The following GNAI2 variants were observed in gnomAD, a reference collection of about 807,000 sequenced individuals.
GNAI2 encodes the protein G protein subunit alpha i2.
A neutral mutation model predicts 36.8 loss-of-function variants in GNAI2; 4 were observed. The ratio of observed to expected loss-of-function variants is 0.11; its 90% confidence interval spans 0.05 to 0.25. GNAI2 has a LOEUF of 0.25. Among genes scored for constraint, GNAI2 ranks in the 10% least tolerant of loss-of-function variants. The pLI is 1.00. For missense variants in GNAI2, 230 were observed against 481.3 expected (o/e 0.48, Z 4.89); for synonymous variants, 194 against 194.1 (o/e 1.00, Z 0.01).
chr3:50,258,667 G>T lies in GNAI2; in HGVS notation c.*324G>T. ...GGCACATGCTGAGTCTCCCAAGGCT[G>T]CGTCTGGAGGGGCCCCTGCTTCTCC... On this transcript the variant is annotated 3_prime_UTR_variant, in exon 9 of 9. Coordinates refer to ENST00000313601, the MANE Select transcript of GNAI2 (RefSeq NM_002070.4). 1 of 344,600 alleles carries T rather than the reference G, an allele frequency of 2.9e-6. No individual in the cohort carries two copies. Among genetic ancestry groups the T allele is most frequent in the Non-Finnish European group, 5.6e-6 (1 of 177,594 alleles). The allele number at this position is 344,600 out of a possible 1,614,324, so 21.3% of individuals were successfully genotyped here.
chr3:50,256,408 C>T, intron 5 of GNAI2, 88 bp downstream of exon 5: 2 of 1,269,960 alleles, frequency 1.6e-6, no homozygotes, highest in Non-Finnish European at 2.3e-6. Context: ...ATCCCCCAGC[C>T]CCACTGAGGT....
chr3:50,239,415 C>T (rs587646367), intron 1 of GNAI2, among the ~76,000 whole-genome samples: 1 of 152,334 alleles, frequency 6.6e-6, no homozygotes, highest in Admixed American at 6.5e-5. Context: ...ACATCTGGCT[C>T]CCAGCGCTGT....
chr3:50,244,997 A>ATTTT (rs11431707), intron 1 of GNAI2, among the ~76,000 whole-genome samples: 3 of 139,874 alleles, frequency 2.1e-5, no homozygotes, highest in African/African-American at 5.3e-5. Flanking sequence ...TGATGCTGTG[A>ATTTT]TTTTTTTTTT....
At chr3:50,234,346 C>A (rs140339047), upstream of GNAI2, among the ~76,000 whole-genome samples, 1 of 150,930 alleles carries the variant, frequency 6.6e-6, no homozygotes, top group East Asian at 1.9e-4. Context: ...CGTGAGCCAC[C>A]GTGCCCGGTC....
Position 50,253,074 on chromosome 3 carries a change from C to A in GNAI2, c.354C>A (p.Gly118=). 1 of 1,612,476 alleles carries A rather than the reference C, an allele frequency of 6.2e-7. No individual in the cohort carries two copies. Among genetic ancestry groups the A allele is most frequent in the Non-Finnish European group, 8.5e-7 (1 of 1,178,934 alleles). ...TGTCCTGCACCGCCGAGGAGCAAGG[C>A]GTGCTCCCTGATGACCTGTCCGGCG... The part of the protein sequence containing the change: ...FALSCTAEEQ[G]VLPDDLSGVI... The change falls in exon 4 of 9, where the codon GGC becomes GGA. Residue 118 remains glycine (G), a synonymous_variant. Coordinates refer to ENST00000313601, the MANE Select transcript of GNAI2 (RefSeq NM_002070.4). The surrounding 1 kb of genome is among the most constrained non-coding windows in gnomAD (Gnocchi z 4.2).
rs960676215 is a variant in GNAI2, at chr3:50,253,201, G to T, written c.464+17G>T. On this transcript the variant is annotated intron_variant, in intron 4 of 8. Transcript: ENST00000313601. This position sits in a 1 kb window ranked among gnomAD's most constrained non-coding sequence, Gnocchi z 4.2. Reference sequence around the variant, plus strand: ...AGCTGCCTAGTGAGTGCTCTGAGGGGCTGGGCAGGGCAGGGCAGGGGCTGG... The same window carrying T: ...AGCTGCCTAGTGAGTGCTCTGAGGGTCTGGGCAGGGCAGGGCAGGGGCTGG... 8 of 1,594,066 alleles carry T rather than the reference G, an allele frequency of 5.0e-6. No homozygotes were observed. In the African/African-American group the frequency reaches 8.0e-5, roughly 16 times the overall value.
At chr3:50,231,342 G>T (rs146088775), upstream of GNAI2, among the ~76,000 whole-genome samples, 1 of 152,206 alleles carries the variant, frequency 6.6e-6, no homozygotes. Context: ...GCAATGGTGC[G>T]ATCTCAGCTC....
At chr3:50,245,068 G>A (rs587599293) in intron 1 of GNAI2, among the ~76,000 whole-genome samples, 3 of 151,040 alleles carry the variant, frequency 2.0e-5, no homozygotes, top group South Asian at 4.2e-4. Flanking sequence ...ATGCAATCTC[G>A]GCTCACCACA....
At chr3:50,231,830 G>A (rs1385347391), upstream of GNAI2, among the ~76,000 whole-genome samples, 1 of 152,208 alleles carries the variant, frequency 6.6e-6, no homozygotes, top group East Asian at 1.9e-4. Context: ...GATGGTTGGA[G>A]TGCCAGTGTG....
chr3:50,231,065 C>T (rs1553699750), intron 1 of GNAI2: 2 of 333,340 alleles, frequency 6.0e-6, no homozygotes, highest in Non-Finnish European at 8.6e-6. Flanking sequence ...GCCTCTCAGA[C>T]CTACCACCCT....
Position 50,253,699 on chromosome 3 carries a change from G to C in GNAI2, c.464+515G>C, listed in dbSNP as rs979204905. Among the ~76,000 whole-genome samples, 1 of 152,182 alleles carries C rather than the reference G, an allele frequency of 6.6e-6. No individual in the cohort carries two copies. The highest frequency in any genetic ancestry group is 2.4e-5 in the African/African-American group (1 of 41,444). ...GTGGAGCTTGCAGTGAGCGGAGATT[G>C]CGCCACTGCACTCTAGCTTGGGTGA... is the stretch of plus-strand genomic sequence containing the variant. On this transcript the variant is annotated intron_variant, in intron 4 of 8. Coordinates refer to ENST00000313601, the MANE Select transcript of GNAI2 (RefSeq NM_002070.4). The surrounding 1 kb of genome is among the most constrained non-coding windows in gnomAD (Gnocchi z 4.2).
At chr3:50,230,684 G>A (rs1315174181), upstream of GNAI2, 2 of 404,152 alleles carry the variant, frequency 4.9e-6, no homozygotes, top group Non-Finnish European at 6.7e-6. Context: ...GGCAGTAGGG[G>A]TGAACCAGCA....
At position 50,256,184 on chromosome 3, in the gene GNAI2, A is replaced by T; in HGVS notation, c.465-8A>T. On this transcript the variant is annotated splice_region_variant and splice_polypyrimidine_tract_variant and intron_variant, in intron 4 of 8. Transcript: ENST00000313601. ...GCCCCCACTGACCCTCCCACCCCCC[A>T]TCCCCAGCTACCTGAACGACCTGGA... 1 of 345,160 alleles carries T rather than the reference A, an allele frequency of 2.9e-6. No homozygotes were observed. The allele number at this position is 345,160 out of a possible 1,614,324, so 21.4% of individuals were successfully genotyped here.
In GNAI2 at chr3:50,256,981, C is replaced by T; in HGVS notation, c.768C>T (p.Asn256=). The change falls in exon 7 of 9, where the codon AAC becomes AAT. Residue 256 remains asparagine, a synonymous_variant. Transcript: ENST00000313601. The part of the protein sequence containing the change: ...ESMKLFDSIC[N]NKWFTDTSII... ...TGAAGCTATTCGATAGCATCTGCAACAACAAGTGGTTCACAGACACGTCCA... is the reference window on the plus strand; with the variant it reads ...TGAAGCTATTCGATAGCATCTGCAATAACAAGTGGTTCACAGACACGTCCA... 2.5e-6 allele frequency: 4 copies of T among 1,614,122 alleles called. No individual in the cohort carries two copies. Among genetic ancestry groups the T allele is most frequent in the Non-Finnish European group, 3.4e-6 (4 of 1,179,980 alleles).
At position 50,252,690 on chromosome 3, in the gene GNAI2, C is replaced by T. The variant is rs1330245457; in HGVS notation, c.303+152C>T. 2.1e-5 allele frequency: 14 copies of T among 658,588 alleles called. No homozygotes were observed. The highest frequency in any genetic ancestry group is 1.1e-4 in the East Asian group (4 of 36,330). 40.8% of individuals were successfully genotyped at this position (658,588 alleles called of 1,614,324 possible). On this transcript the variant is annotated intron_variant, in intron 3 of 8. Transcript: ENST00000313601. This position sits in a 1 kb window ranked among gnomAD's most constrained non-coding sequence, Gnocchi z 4.1. ...ACCAGCCTGGCCAACTTGGTGAAAC[C>T]GCGTCTCTACTAAAAATACAAAAAT...
In GNAI2 at chr3:50,242,371, T is replaced by C. The variant is rs1700318099; in HGVS notation, c.118+5918T>C. On this transcript the variant is annotated intron_variant, in intron 1 of 8. Transcript: ENST00000313601. This position sits in a 1 kb window ranked among gnomAD's most constrained non-coding sequence, Gnocchi z 4.8. ...CAGGCCAGGAATCCCAGCCTAGGAGTTGAGCGAGGAGGGGAAGGGGTCAGC... is the reference window on the plus strand; with the variant it reads ...CAGGCCAGGAATCCCAGCCTAGGAGCTGAGCGAGGAGGGGAAGGGGTCAGC... 6.6e-6 allele frequency among the ~76,000 whole-genome samples: 1 copy of C among 151,956 alleles called. No individual in the cohort carries two copies. Among genetic ancestry groups the C allele is most frequent in the Non-Finnish European group, 1.5e-5 (1 of 67,968 alleles).
chr3:50,233,246 C>G (rs115562295), upstream of GNAI2, among the ~76,000 whole-genome samples: 2 of 152,158 alleles, frequency 1.3e-5, no homozygotes, highest in East Asian at 1.9e-4. Flanking sequence ...GCCATAACCA[C>G]AGGACCTGGC....
chr3:50,235,466 C>G (rs1700142461), upstream of GNAI2, among the ~76,000 whole-genome samples: 1 of 152,096 alleles, frequency 6.6e-6, no homozygotes, highest in Non-Finnish European at 1.5e-5. Flanking sequence ...ATTACAGGCG[C>G]CCACGACCAC....
At chr3:50,251,540 A>C in intron 1 of GNAI2, 1 of 1,172,170 alleles carries the variant, frequency 8.5e-7, no homozygotes, top group Non-Finnish European at 1.1e-6. Context: ...TGCTCAGGGC[A>C]GACCTGAGCG....
Sources: gnomAD v4.1 joint callset for allele counts (sites outside exome capture counted in the v4.1 genomes callset) on GRCh38, gnomAD v4.1.1 for gene constraint, Gnocchi (gnomAD v3.1) non-coding constraint, MANE v1.5 for transcripts, NCBI Gene and HGNC (gene_info 2026-07-23, HGNC 2026-07-21) for gene names.